Variants in ARHGEF18 observed in about 807,000 individuals in gnomAD.
The protein encoded by ARHGEF18 is rho guanine nucleotide exchange factor 18.
A neutral mutation model predicts 155.7 loss-of-function variants in ARHGEF18; 93 were observed. The observed-to-expected ratio is 0.60, with a 90% CI of 0.50 to 0.71. The LOEUF (loss-of-function observed/expected upper bound fraction) is 0.71, where lower values mean the gene tolerates loss of function less well. Among genes scored for constraint, ARHGEF18 ranks in the 30% least tolerant of loss-of-function variants. The pLI is 0.00. For missense variants in ARHGEF18, 1,593 were observed against 1,816.1 expected, an observed-to-expected ratio of 0.88 and a Z score of 2.23; for synonymous variants, 742 against 753.1, an observed-to-expected ratio of 0.99 and a Z score of 0.24.
chr19:7,376,768 T>A lies in ARHGEF18; in HGVS notation c.541+11T>A. 8.1e-7 allele frequency: 1 copy of A among 1,232,798 alleles called. No homozygotes were observed. Among genetic ancestry groups the A allele is most frequent in the Non-Finnish European group, 1.0e-6 (1 of 986,736 alleles). 76.4% of individuals were successfully genotyped at this position (1,232,798 alleles called of 1,614,324 possible). On this transcript the variant is annotated intron_variant, in intron 5 of 28. Transcript: ENST00000668164. The stretch of plus-strand genomic sequence containing the variant: ...CTCCACCTGTTCAAGGTAGCCAGCC[T>A]GGGAGTTTCCTTCATTCAAACCAAG...
At chr19:7,367,816 T>TATATATATATATACAC (rs1969972833) in intron 2 of ARHGEF18, among the ~76,000 whole-genome samples, 1 of 113,596 alleles carries the variant, frequency 8.8e-6, no homozygotes, top group Admixed American at 9.4e-5. Context: ...ATATATATTT[T>TATATATATATATACAC]ATATATATAT....
chr19:7,443,436 T>A (rs8100403), intron 13 of ARHGEF18, among the ~76,000 whole-genome samples: 1 of 151,806 alleles, frequency 6.6e-6, no homozygotes, highest in South Asian at 2.1e-4. Context: ...CCTGACCTCA[T>A]GTGATCTGCT....
chr19:7,361,162 G>A (rs1287710538), intron 1 of ARHGEF18, among the ~76,000 whole-genome samples: 2 of 152,198 alleles, frequency 1.3e-5, no homozygotes, highest in African/African-American at 2.4e-5. Flanking sequence ...TAGGCCAGGT[G>A]CAATGGCTCA....
intron 2 of ARHGEF18, 111 bp downstream of exon 2, chr19:7,363,016 A>T: frequency 8.5e-7 from 1 of 1,180,014 alleles, no homozygotes; most frequent in East Asian, 3.2e-5. Context: ...TATCTCAGGG[A>T]ATCCTCATCG....
intron 17 of ARHGEF18, among the ~76,000 whole-genome samples, chr19:7,455,144 C>G (rs1160934526): frequency 6.6e-6 from 1 of 152,190 alleles, no homozygotes; most frequent in Admixed American, 6.5e-5. Context: ...CACTTGCCCA[C>G]TCATCATTTG....
chr19:7,381,105 A>G (rs1420819769), intron 8 of ARHGEF18, 111 bp downstream of exon 8: 3 of 795,154 alleles, frequency 3.8e-6, no homozygotes, highest in Middle Eastern at 4.2e-4. Context: ...TGGAGCCCCC[A>G]TCAGGGCAAT....
intron 1 of ARHGEF18, among the ~76,000 whole-genome samples, chr19:7,359,622 A>C (rs1969462520): frequency 6.6e-6 from 1 of 152,148 alleles, no homozygotes; most frequent in Non-Finnish European, 1.5e-5. Flanking sequence ...AGGGGGGTTC[A>C]TTCTATGATA....
At chr19:7,427,506 G>A (rs1422609619) in intron 10 of ARHGEF18, among the ~76,000 whole-genome samples, 1 of 106,162 alleles carries the variant, frequency 9.4e-6, no homozygotes, top group Non-Finnish European at 2.2e-5. Context: ...TCAGCCGAGT[G>A]TGGGAGTGTC....
chr19:7,420,542 C>G (rs965939775), intron 10 of ARHGEF18, among the ~76,000 whole-genome samples: 2 of 152,208 alleles, frequency 1.3e-5, no homozygotes, highest in Admixed American at 1.3e-4. Flanking sequence ...CGTGAGCCCC[C>G]ACGCCGGGCC....
In ARHGEF18 at chr19:7,463,716, T is replaced by C. The variant is rs1976432340; in HGVS notation, c.2636-102T>C. The stretch of plus-strand genomic sequence containing the variant: ...AGGGGGCAGGCGATCACCACCCCAG[T>C]GAGTCCCTCCGTCCACCCGGGTCTC... On this transcript the variant is annotated intron_variant, in intron 21 of 28. Transcript: ENST00000668164. This position sits in a 1 kb window ranked among gnomAD's most constrained non-coding sequence, Gnocchi z 5.2. 7.2e-7 allele frequency: 1 copy of C among 1,382,084 alleles called. No homozygotes were observed. Among genetic ancestry groups the C allele is most frequent in the East Asian group, 2.5e-5 (1 of 39,276 alleles). The allele number at this position is 1,382,084 out of a possible 1,614,324, so 85.6% of individuals were successfully genotyped here. A position where few individuals can be genotyped will look rare whatever the true frequency, so the allele number is the denominator to read the frequency against.
Position 7,376,665 on chromosome 19 carries a change from G to A in ARHGEF18, c.449G>A (p.Arg150Lys). Residue 150 changes from arginine (R) to lysine (K), a missense_variant, in exon 5 of 29, where the codon AGA becomes AAA. Arg to Lys is a conservative substitution (Grantham distance 26). Transcript: ENST00000668164. Reference sequence around the variant, plus strand: ...CAGGAATGTGACAGCCCCAAGAAAAGAGGGAGGTCAAGGTCCGTTCCTGTG... The same window carrying A: ...CAGGAATGTGACAGCCCCAAGAAAAAAGGGAGGTCAAGGTCCGTTCCTGTG... ...PGKECDSPKK[R>K]GRSRSVPVSF... 8.1e-7 allele frequency: 1 copy of A among 1,234,464 alleles called. No individual in the cohort carries two copies. The highest frequency in any genetic ancestry group is 4.1e-5 in the South Asian group (1 of 24,410). The allele number at this position is 1,234,464 out of a possible 1,614,324, so 76.5% of individuals were successfully genotyped here.
chr19:7,378,467 G>A lies in ARHGEF18; in HGVS notation c.599+16G>A, dbSNP rs1970565210. ...CAGATCACGTGTGAGTTTCTGCCTC[G>A]TGGTGGGGGAGGGACCCCCAGGGAA... On this transcript the variant is annotated intron_variant, in intron 6 of 28. Coordinates refer to ENST00000668164, the MANE Select transcript of ARHGEF18 (RefSeq NM_001367823.1). 5 of 1,234,240 alleles carry A rather than the reference G, an allele frequency of 4.1e-6. No individual in the cohort carries two copies. Among genetic ancestry groups the A allele is most frequent in the South Asian group, 4.1e-5 (1 of 24,418 alleles). The allele number at this position is 1,234,240 out of a possible 1,614,324, so 76.5% of individuals were successfully genotyped here.
intron 2 of ARHGEF18, among the ~76,000 whole-genome samples, chr19:7,365,409 A>T (rs1969842121): frequency 6.6e-6 from 1 of 152,164 alleles, no homozygotes; most frequent in South Asian, 2.1e-4. Flanking sequence ...CCTGGGTGAC[A>T]GAATGAGGAA....
In ARHGEF18 at chr19:7,451,142, T is replaced by C. The variant is rs746720198; in HGVS notation, c.1738-7T>C. The C allele has an allele frequency of 6.2e-7, 1 of 1,613,798 alleles. No individual in the cohort carries two copies. The highest frequency in any genetic ancestry group is 2.2e-5 in the East Asian group (1 of 44,872). On this transcript the variant is annotated splice_region_variant and splice_polypyrimidine_tract_variant and intron_variant, in intron 15 of 28. Transcript: ENST00000668164. Reference sequence around the variant, plus strand: ...GTTAATACAGGATCTTGCTTTCTGTTTCCTAGAAAATTGGCAACTTCTCCA... The same window carrying C: ...GTTAATACAGGATCTTGCTTTCTGTCTCCTAGAAAATTGGCAACTTCTCCA...
At chr19:7,426,822 A>G (rs1306945489) in intron 10 of ARHGEF18, among the ~76,000 whole-genome samples, 2 of 152,176 alleles carry the variant, frequency 1.3e-5, no homozygotes, top group African/African-American at 4.8e-5. Context: ...TGGTCCCAGG[A>G]GGAAAAGTGG....
At position 7,467,501 on chromosome 19, in the gene ARHGEF18, C is replaced by G; in HGVS notation, c.3297C>G (p.Arg1099=). 7.0e-7 allele frequency: 1 copy of G among 1,433,290 alleles called. No homozygotes were observed. The highest frequency in any genetic ancestry group is 9.0e-7 in the Non-Finnish European group (1 of 1,105,554). The allele number at this position is 1,433,290 out of a possible 1,614,324, so 88.8% of individuals were successfully genotyped here. A position where few individuals can be genotyped will look rare whatever the true frequency, so the allele number is the denominator to read the frequency against. ...GCGAGGGCGAGGCGCGGCAGCTACG[C>G]GAGCGGCTGGAGCAGGAGCGGGCCG... is the stretch of plus-strand genomic sequence containing the variant. ...QEREGEARQL[R]ERLEQERAEL... is the part of the protein sequence containing the mutation. The change falls in exon 26 of 29, where the codon CGC becomes CGG. Residue 1099 remains arginine (R), a synonymous_variant. Transcript: ENST00000668164.
At position 7,362,795 on chromosome 19, in the gene ARHGEF18, T is replaced by G. The variant is rs781408134; in HGVS notation, c.-96T>G. 2.4e-6 allele frequency: 3 copies of G among 1,234,102 alleles called. No homozygotes were observed. Among genetic ancestry groups the G allele is most frequent in the Non-Finnish European group, 3.0e-6 (3 of 988,078 alleles). The allele number at this position is 1,234,102 out of a possible 1,614,324, so 76.4% of individuals were successfully genotyped here. On this transcript the variant is annotated 5_prime_UTR_variant, in exon 2 of 29. Coordinates refer to ENST00000668164, the MANE Select transcript of ARHGEF18 (RefSeq NM_001367823.1). ...TTTCTCCACAGGCTCTGAGCCCAAG[T>G]CATGTGTCCAGCCTTTTGACTCTGG...
rs774210352 is a variant in ARHGEF18, at chr19:7,441,708, A to C, written c.1162A>C (p.Thr388Pro). 6.2e-7 allele frequency: 1 copy of C among 1,614,210 alleles called. No individual in the cohort carries two copies. The highest frequency in any genetic ancestry group is 1.1e-5 in the South Asian group (1 of 91,088). Residue 388 changes from threonine to proline, a missense_variant, in exon 12 of 29, where the codon ACA becomes CCA. Coordinates refer to ENST00000668164, the MANE Select transcript of ARHGEF18 (RefSeq NM_001367823.1). ...ADSAFLKFKQTADDSLSLTSP... is the reference protein window; with the variant it reads ...ADSAFLKFKQPADDSLSLTSP... ...TTCTGCGTTTTTAAAATTTAAGCAG[A>C]CAGCTGATGACTCTCTGTCCCTTAC...
intron 23 of ARHGEF18, among the ~76,000 whole-genome samples, chr19:7,466,033 G>A (rs754166914): frequency 2.0e-4 from 30 of 151,920 alleles, no homozygotes; most frequent in Non-Finnish European, 3.4e-4. Context: ...GCAGTGAGCC[G>A]AGATTGCACC....
Sources: gnomAD v4.1 joint callset for allele counts (sites outside exome capture counted in the v4.1 genomes callset) on GRCh38, gnomAD v4.1.1 for gene constraint, Gnocchi (gnomAD v3.1) non-coding constraint, MANE v1.5 for transcripts, NCBI Gene and HGNC (gene_info 2026-07-23, HGNC 2026-07-21) for gene names.